Variants in ATG2B observed in about 807,000 individuals in gnomAD.
The protein encoded by ATG2B is autophagy related 2B, also known as autophagy-related protein 2 homolog B.
A neutral mutation model predicts 241.3 loss-of-function variants in ATG2B; 121 were observed. The ratio of observed to expected loss-of-function variants is 0.50; its 90% CI spans 0.43 to 0.58. The LOEUF is 0.58. ATG2B is among the 20% of genes least tolerant of loss of function. The probability of loss-of-function intolerance (pLI) is 0.00; values close to 1 mark genes in which losing one functional copy is unlikely to be tolerated. For synonymous variants in ATG2B, 858 were observed against 876.6 expected (o/e 0.98, Z 0.37); for missense variants, 2,306 against 2,491.6 (o/e 0.93, Z 1.59).
At chr14:96,352,115 T>C (rs1195349907) in intron 1 of ATG2B, among the ~76,000 whole-genome samples, 2 of 152,160 alleles carry the variant, frequency 1.3e-5, no homozygotes, top group African/African-American at 2.4e-5. Flanking sequence ...ATAGTGGTCC[T>C]GTAAGATTAT....
chr14:96,331,517 G>A lies in ATG2B; in HGVS notation c.1589C>T (p.Ser530Leu). ...AGGTGTCAATGGATTAAGGTTCTGTGACGTTTCAGGTGGAGATAAAGGATC... is the reference window on the plus strand; with the variant it reads ...AGGTGTCAATGGATTAAGGTTCTGTAACGTTTCAGGTGGAGATAAAGGATC... ...HIDPLSPPET[S>L]QNLNPLTPMA... The change falls in exon 11 of 42, where the codon TCA (serine) becomes TTA (leucine). Residue 530 changes from serine to leucine, a missense_variant. Ser to Leu is a moderately radical substitution (Grantham distance 145). Coordinates refer to ENST00000359933, the MANE Select transcript of ATG2B (RefSeq NM_018036.7). 6.2e-7 allele frequency: 1 copy of A among 1,614,100 alleles called. No individual in the cohort carries two copies. Among genetic ancestry groups the A allele is most frequent in the Admixed American group, 1.7e-5 (1 of 60,012 alleles).
At position 96,332,321 on chromosome 14, in the gene ATG2B, T is replaced by C; in HGVS notation, c.1452A>G (p.Thr484=). 6.2e-7 allele frequency: 1 copy of C among 1,612,982 alleles called. No individual in the cohort carries two copies. Among genetic ancestry groups the C allele is most frequent in the African/African-American group, 1.3e-5 (1 of 74,966 alleles). Residue 484 remains threonine, a synonymous_variant, in exon 10 of 42, where the codon ACA becomes ACG. Transcript: ENST00000359933. ...TTTACTTACATGTCTTCTGTAAAGGTGTTGGGTGAACTAGGTTGGATGGAA... is the reference window on the plus strand; with the variant it reads ...TTTACTTACATGTCTTCTGTAAAGGCGTTGGGTGAACTAGGTTGGATGGAA... The part of the protein sequence containing the change: ...STFPSNLVHP[T]PLQKTSLPSR...
chr14:96,340,926 G>GAAAAAAAAAAA (rs34515724), intron 6 of ATG2B, among the ~76,000 whole-genome samples: 1 of 112,992 alleles, frequency 8.9e-6, no homozygotes, highest in African/African-American at 3.4e-5. Flanking sequence ...ACCCCATCTC[G>GAAAAAAAAAAA]AAAAAAAAAA....
chr14:96,356,117 G>A (rs1888466935), intron 1 of ATG2B, among the ~76,000 whole-genome samples: 1 of 150,600 alleles, frequency 6.6e-6, no homozygotes, highest in African/African-American at 2.5e-5. Context: ...CTTGCAGTGA[G>A]CTGAGATCAC....
rs1227338861 is a variant in ATG2B, at chr14:96,284,085, C to G, written c.*1670G>C. ...TGTTTTCCAGTTTGACTAATCATAA[C>G]TGGGTTAACACACATAGCAAGTTTC... On this transcript the variant is annotated 3_prime_UTR_variant, in exon 42 of 42. Transcript: ENST00000359933. The G allele has an allele frequency of 6.6e-6, 1 of 152,166 alleles. No homozygotes were observed. Among genetic ancestry groups the G allele is most frequent in the African/African-American group, 2.4e-5 (1 of 41,438 alleles). The allele number at this position is 152,166 out of a possible 1,614,324, so 9.4% of individuals were successfully genotyped here. A position where few individuals can be genotyped will look rare whatever the true frequency, so the allele number is the denominator to read the frequency against.
At chr14:96,287,779 T>C (rs1886378886) in intron 41 of ATG2B, among the ~76,000 whole-genome samples, 2 of 152,230 alleles carry the variant, frequency 1.3e-5, no homozygotes, top group African/African-American at 4.8e-5. Flanking sequence ...CCATGGTCTC[T>C]GTTATTTATT....
At chr14:96,291,011 T>C (rs1886469246) in intron 38 of ATG2B, 76 bp from the exon 39 acceptor site, 2 of 1,334,286 alleles carry the variant, frequency 1.5e-6, no homozygotes, top group Non-Finnish European at 2.0e-6. Flanking sequence ...GGTTTTTTTT[T>C]ACTTAAAACA....
chr14:96,346,535 T>C (rs890961555), intron 2 of ATG2B, among the ~76,000 whole-genome samples: 1 of 152,190 alleles, frequency 6.6e-6, no homozygotes, highest in African/African-American at 2.4e-5. Flanking sequence ...AAATATAATT[T>C]AAACTTTCAT....
intron 1 of ATG2B, among the ~76,000 whole-genome samples, chr14:96,348,407 G>A (rs1888225578): frequency 6.6e-6 from 1 of 152,302 alleles, no homozygotes; most frequent in East Asian, 1.9e-4. Context: ...CAAGGGCCAG[G>A]CATGGTGGCT....
chr14:96,347,120 T>A (rs1888189400), intron 2 of ATG2B, 59 bp downstream of exon 2: 1 of 1,394,388 alleles, frequency 7.2e-7, no homozygotes, highest in Admixed American at 2.2e-5. Context: ...GTAATCAGGT[T>A]ACTTTCCCAG....
chr14:96,363,106 G>C lies in ATG2B; in HGVS notation c.-130C>G, dbSNP rs1253906592. 1 of 1,069,264 alleles carries C rather than the reference G, an allele frequency of 9.4e-7. No homozygotes were observed. The highest frequency in any genetic ancestry group is 1.6e-5 in the African/African-American group (1 of 62,938). 66.2% of individuals were successfully genotyped at this position (1,069,264 alleles called of 1,614,324 possible). ...GGCCCCTCCATCCCTATTTGGTGCC[G>C]GGAGTCCCTCAGGGAGACCCCATCG... On this transcript the variant is annotated 5_prime_UTR_variant, in exon 1 of 42. Coordinates refer to ENST00000359933, the MANE Select transcript of ATG2B (RefSeq NM_018036.7).
intron 1 of ATG2B, among the ~76,000 whole-genome samples, chr14:96,355,955 G>A (rs1888461668): frequency 6.6e-6 from 1 of 152,056 alleles, no homozygotes; most frequent in Non-Finnish European, 1.5e-5. Flanking sequence ...GGGAACACAA[G>A]ATCAGGGGAT....
intron 6 of ATG2B, among the ~76,000 whole-genome samples, chr14:96,338,841 T>C (rs918461856): frequency 1.3e-5 from 2 of 151,948 alleles, no homozygotes; most frequent in East Asian, 1.9e-4. Context: ...GCAGAGTAAA[T>C]GGACAACCCA....
Position 96,332,009 on chromosome 14 carries a change from T to C in ATG2B, c.1468+296A>G, listed in dbSNP as rs556012076. ...GGTTCTCTTCCAAGGAAAATGTAAA[T>C]AGTGAAACAAAAATCACATGATTGA... is the stretch of plus-strand genomic sequence containing the variant. On this transcript the variant is annotated intron_variant, in intron 10 of 41. Coordinates refer to ENST00000359933, the MANE Select transcript of ATG2B (RefSeq NM_018036.7). Among the ~76,000 whole-genome samples, 194 of 152,192 alleles carry C rather than the reference T, an allele frequency of 1.3e-3. 2 individuals are homozygous for C. Among genetic ancestry groups the C allele is most frequent in the Non-Finnish European group, 2.1e-3 (144 of 67,980 alleles).
At chr14:96,340,580 G>GAAGGGA (rs1888006664) in intron 6 of ATG2B, among the ~76,000 whole-genome samples, 6 of 152,002 alleles carry the variant, frequency 3.9e-5, no homozygotes, top group African/African-American at 1.5e-4. Context: ...AAGGGAAAAA[G>GAAGGGA]AATATAAATA....
intron 29 of ATG2B, among the ~76,000 whole-genome samples, chr14:96,308,401 C>T (rs991533194): frequency 4.1e-5 from 6 of 146,420 alleles, no homozygotes; most frequent in Admixed American, 6.8e-5. Flanking sequence ...CCTCCCACCC[C>T]ACCTAAGCCT....
intron 38 of ATG2B, 100 bp from the exon 39 acceptor site, chr14:96,291,035 A>T (rs1163972816): frequency 1.0e-6 from 1 of 986,018 alleles, no homozygotes; most frequent in Non-Finnish European, 1.5e-6. Context: ...TCTACAAATT[A>T]TAAGGGCAAA....
Position 96,357,382 on chromosome 14 carries a change from C to T in ATG2B, c.162+5433G>A, listed in dbSNP as rs560790920. 2.8e-4 allele frequency among the ~76,000 whole-genome samples: 42 copies of T among 152,316 alleles called. 1 individual carries two copies. Among genetic ancestry groups the T allele is most frequent in the African/African-American group, 9.9e-4 (41 of 41,568 alleles). On this transcript the variant is annotated intron_variant, in intron 1 of 41. Transcript: ENST00000359933. ...TTCCATCTCCTGCCACTGTTATTCA[C>T]TATTGATACTCTGATAACTCCCATA... is the stretch of plus-strand genomic sequence containing the variant.
rs112006033 is a variant in ATG2B, at chr14:96,315,257, T to C, written c.3562-23A>G. 3.2e-5 allele frequency: 51 copies of C among 1,606,084 alleles called. 1 individual carries two copies. The highest frequency in any genetic ancestry group is 3.3e-4 in the Middle Eastern group (2 of 6,046). ...TTCCTATACAGAACAAGACAAAGAA[T>C]GACATTTACCACCTATGTAATCCTA... On this transcript the variant is annotated intron_variant, in intron 22 of 41. Transcript: ENST00000359933.
Sources: gnomAD v4.1 joint callset for allele counts (sites outside exome capture counted in the v4.1 genomes callset) on GRCh38, gnomAD v4.1.1 for gene constraint, MANE v1.5 for transcripts, NCBI Gene and HGNC (gene_info 2026-07-23, HGNC 2026-07-21) for gene names.